The following BANK1 variants were observed in gnomAD, a reference collection of about 807,000 sequenced individuals.
BANK1 encodes the protein B-cell scaffold protein with ankyrin repeats.
A neutral mutation model predicts 94.5 loss-of-function variants in BANK1; 95 were observed. The observed-to-expected ratio is 1.00, with a 90% CI of 0.85 to 1.19. The LOEUF (loss-of-function observed/expected upper bound fraction) is 1.19. BANK1 is among the 50% of genes most tolerant of loss of function. The probability of loss-of-function intolerance (pLI) is 0.00; values close to 1 mark genes in which losing one functional copy is unlikely to be tolerated. For synonymous variants in BANK1, 334 were observed against 308.4 expected (o/e 1.08, Z -0.87); for missense variants, 987 against 932.2 (o/e 1.06, Z -0.77).
intron 1 of BANK1, among the ~76,000 whole-genome samples, chr4:101,828,218 C>T (rs1334666922): frequency 2.0e-5 from 3 of 151,418 alleles, no homozygotes; most frequent in Non-Finnish European, 4.4e-5. Flanking sequence ...TAGACCTGTC[C>T]AACCTCCATT....
chr4:101,889,813 T>C (rs1015987698), intron 5 of BANK1, among the ~76,000 whole-genome samples: 5 of 152,198 alleles, frequency 3.3e-5, no homozygotes, highest in African/African-American at 1.2e-4. Context: ...TATTATAAAA[T>C]TTTCTCAGCC....
intron 2 of BANK1, among the ~76,000 whole-genome samples, chr4:101,845,430 C>G (rs1727208563): frequency 6.6e-6 from 1 of 152,060 alleles, no homozygotes. Flanking sequence ...CAAAAAAAGC[C>G]TGCTGTCAAA....
At chr4:101,911,954 C>A (rs762570413) in intron 6 of BANK1, among the ~76,000 whole-genome samples, 1 of 152,104 alleles carries the variant, frequency 6.6e-6, no homozygotes, top group Non-Finnish European at 1.5e-5. Context: ...TAAATAGTAT[C>A]TATTAGTAAC....
chr4:102,033,876 T>C (rs1262562741), intron 10 of BANK1, among the ~76,000 whole-genome samples: 1 of 152,230 alleles, frequency 6.6e-6, no homozygotes, highest in Non-Finnish European at 1.5e-5. Flanking sequence ...TTATTTCCTT[T>C]TCTCTTTCAC....
intron 9 of BANK1, among the ~76,000 whole-genome samples, chr4:102,029,611 A>AAT (rs939033155): frequency 4.0e-5 from 6 of 148,264 alleles, no homozygotes; most frequent in African/African-American, 7.3e-5. Flanking sequence ...ATATAAAAAT[A>AAT]ATATATATAT....
chr4:101,991,632 A>T (rs972633177), intron 7 of BANK1, among the ~76,000 whole-genome samples: 1 of 152,178 alleles, frequency 6.6e-6, no homozygotes, highest in Non-Finnish European at 1.5e-5. Flanking sequence ...ACTGTATCTA[A>T]TTCATACAAG....
chr4:101,857,891 C>A (rs930334892), intron 3 of BANK1, among the ~76,000 whole-genome samples: 1 of 151,976 alleles, frequency 6.6e-6, no homozygotes, highest in African/African-American at 2.4e-5. Context: ...ATTTTTTGGA[C>A]TTTTCTTTGT....
intron 2 of BANK1, among the ~76,000 whole-genome samples, chr4:101,839,036 G>A (rs1726933730): frequency 6.6e-6 from 1 of 152,066 alleles, no homozygotes; most frequent in Non-Finnish European, 1.5e-5. Context: ...TCTTGACTGA[G>A]AAACACAATA....
chr4:101,804,804 T>C (rs1472141324), intron 1 of BANK1, among the ~76,000 whole-genome samples: 1 of 152,256 alleles, frequency 6.6e-6, no homozygotes, highest in African/African-American at 2.4e-5. Flanking sequence ...AAATCGTTTA[T>C]GTTATTGGTA....
intron 2 of BANK1, among the ~76,000 whole-genome samples, chr4:101,844,725 A>T (rs1727180940): frequency 1.3e-5 from 2 of 152,196 alleles, no homozygotes; most frequent in African/African-American, 4.8e-5. Context: ...CCTTGGGATG[A>T]GTGTGAGGAT....
chr4:101,885,970 C>G (rs531452876), intron 5 of BANK1, among the ~76,000 whole-genome samples: 108 of 152,262 alleles, frequency 7.1e-4, no homozygotes, highest in African/African-American at 2.5e-3. Flanking sequence ...CTGAACATAT[C>G]TAAGCATAGA....
At chr4:101,950,893 A>G (rs2148914516) in intron 7 of BANK1, among the ~76,000 whole-genome samples, 1 of 152,300 alleles carries the variant, frequency 6.6e-6, no homozygotes, top group South Asian at 2.1e-4. Flanking sequence ...CAGTCTAATC[A>G]TGAGAAAAAC....
intron 7 of BANK1, among the ~76,000 whole-genome samples, chr4:101,924,524 A>C (rs1723093731): frequency 6.6e-6 from 1 of 151,804 alleles, no homozygotes; most frequent in South Asian, 2.1e-4. Context: ...CAGAGTAGGA[A>C]ACAGAAGCAG....
At chr4:101,953,695 A>G (rs548288196) in intron 7 of BANK1, among the ~76,000 whole-genome samples, 2 of 152,204 alleles carry the variant, frequency 1.3e-5, no homozygotes, top group African/African-American at 2.4e-5. Flanking sequence ...TGACTTTTCT[A>G]TTAAGTGCAG....
intron 6 of BANK1, among the ~76,000 whole-genome samples, chr4:101,914,488 C>A (rs4295265): frequency 6.6e-6 from 1 of 151,808 alleles, no homozygotes; most frequent in Non-Finnish European, 1.5e-5. Context: ...TTAAAAGGGG[C>A]CTCTAGATTG....
intron 1 of BANK1, among the ~76,000 whole-genome samples, chr4:101,791,500 A>C (rs72684898): frequency 6.6e-6 from 1 of 152,138 alleles, no homozygotes; most frequent in Non-Finnish European, 1.5e-5. Flanking sequence ...GGTCAAAGGA[A>C]AACGGTCAAC....
intron 7 of BANK1, among the ~76,000 whole-genome samples, chr4:101,978,420 A>T (rs921458605): frequency 6.6e-6 from 1 of 152,082 alleles, no homozygotes; most frequent in African/African-American, 2.4e-5. Flanking sequence ...GCAATAATAT[A>T]TATGATGTAC....
At chr4:102,067,892 TAGATGATCAAAAA>T (rs1306626584) in intron 13 of BANK1, among the ~76,000 whole-genome samples, 22 of 152,176 alleles carry the variant, frequency 1.4e-4, no homozygotes, top group Middle Eastern at 6.8e-3. Context: ...AAACATAGGC[TAGATGATCAAAAA>T]AGTTTCAGTA....
At chr4:102,071,172 C>T (rs981780067) in intron 13 of BANK1, 103 bp from the exon 14 acceptor site, 13 of 1,298,310 alleles carry the variant, frequency 1.0e-5, no homozygotes, top group Non-Finnish European at 1.4e-5. Context: ...TTCATAGCAA[C>T]CTCAAAGACA....
Sources: gnomAD v4.1 joint callset for allele counts (sites outside exome capture counted in the v4.1 genomes callset) on GRCh38, gnomAD v4.1.1 for gene constraint, MANE v1.5 for transcripts, NCBI Gene and HGNC (gene_info 2026-07-23, HGNC 2026-07-21) for gene names.